Variants in NPDC1 observed in about 807,000 individuals in gnomAD.
NPDC1 encodes the protein neural proliferation differentiation and control protein 1.
Under a neutral mutation model 32.5 loss-of-function variants are expected in NPDC1, and 18 were observed. That is an observed-to-expected ratio of 0.55 (90% CI 0.38 to 0.82). The LOEUF (loss-of-function observed/expected upper bound fraction) is 0.82. NPDC1 is among the 40% of genes least tolerant of loss of function. The pLI is 0.00. For missense variants in NPDC1, 468 were observed against 406.6 expected (o/e 1.15, Z -1.30); for synonymous variants, 210 against 184.7 (o/e 1.14, Z -1.11).
Position 137,043,017 on chromosome 9 carries a change from G to T in NPDC1, c.169C>A (p.Pro57Thr). ...DCALKRRARC[P>T]PGAHACGPCL... ...GGCCCACAGGCATGTGCACCAGGAG[G>T]ACACCTTGCCCGCCTCTTCAGGGCA... Residue 57 changes from proline (P) to threonine (T), a missense_variant, in exon 2 of 9, where the codon CCT becomes ACT. Physicochemically the swap from Pro to Thr is conservative, Grantham distance 38 (BLOSUM62 -1). Transcript: ENST00000371601. 1 of 1,612,722 alleles carries T rather than the reference G, an allele frequency of 6.2e-7. No individual in the cohort carries two copies. The highest frequency in any genetic ancestry group is 8.5e-7 in the Non-Finnish European group (1 of 1,179,914).
chr9:137,044,270 C>T (rs1394134171), intron 1 of NPDC1, among the ~76,000 whole-genome samples: 1 of 152,248 alleles, frequency 6.6e-6, no homozygotes, highest in East Asian at 1.9e-4. Flanking sequence ...GCACCGCACA[C>T]CCTCCACAAC....
chr9:137,041,249 C>T, intron 2 of NPDC1, 62 bp from the exon 3 acceptor site: 3 of 1,342,610 alleles, frequency 2.2e-6, no homozygotes, highest in Non-Finnish European at 2.9e-6. Context: ...CCAGGCCCGG[C>T]CTCCCCGCTT....
rs563968415 is a variant in NPDC1, at chr9:137,040,220, C to T, written c.788+137G>A. 1.3e-4 allele frequency: 104 copies of T among 826,626 alleles called. No homozygotes were observed. The East Asian group carries it at 1.5e-3, about 12-fold the overall frequency. The allele number at this position is 826,626 out of a possible 1,614,324, so 51.2% of individuals were successfully genotyped here. The stretch of plus-strand genomic sequence containing the variant: ...CAGGGGAGGTGAGGGTGCAGGGCGG[C>T]GGGGGAGGTGAAGGTTAGCGTGCAG... On this transcript the variant is annotated intron_variant, in intron 7 of 8. Transcript: ENST00000371601.
Position 137,046,110 on chromosome 9 carries a change from G to A in NPDC1, c.-121C>T. ...GAGGACGCAGGAGGAAGAAGAGGCGGATGCCAAGGAGGAGGAGGAGGAAGA... is the reference window on the plus strand; with the variant it reads ...GAGGACGCAGGAGGAAGAAGAGGCGAATGCCAAGGAGGAGGAGGAGGAAGA... On this transcript the variant is annotated 5_prime_UTR_variant, in exon 1 of 9. Transcript: ENST00000371601. 1 of 1,089,692 alleles carries A rather than the reference G, an allele frequency of 9.2e-7. No homozygotes were observed. Among genetic ancestry groups the A allele is most frequent in the Non-Finnish European group, 1.1e-6 (1 of 896,198 alleles). 67.5% of individuals were successfully genotyped at this position (1,089,692 alleles called of 1,614,324 possible). A position where few individuals can be genotyped will look rare whatever the true frequency, so the allele number is the denominator to read the frequency against.
chr9:137,041,089 T>G lies in NPDC1; in HGVS notation c.358A>C (p.Lys120Gln). 1 of 1,529,316 alleles carries G rather than the reference T, an allele frequency of 6.5e-7. No homozygotes were observed. The highest frequency in any genetic ancestry group is 8.8e-7 in the Non-Finnish European group (1 of 1,140,848). 94.7% of individuals were successfully genotyped at this position (1,529,316 alleles called of 1,614,324 possible). A position where few individuals can be genotyped will look rare whatever the true frequency, so the allele number is the denominator to read the frequency against. Residue 120 changes from lysine to glutamine, a missense_variant, in exon 3 of 9, where the codon AAG (lysine) becomes CAG (glutamine). Coordinates refer to ENST00000371601, the MANE Select transcript of NPDC1 (RefSeq NM_015392.4). ...GGCTCCGGGAGCCGCTGTCGGTCCTTGGGTAGGGGCGGAGTTGAGTGTCCA... is the reference window on the plus strand; with the variant it reads ...GGCTCCGGGAGCCGCTGTCGGTCCTGGGGTAGGGGCGGAGTTGAGTGTCCA... ...ESGHSTPPLP[K>Q]DRQRLPEPAT...
intron 2 of NPDC1, among the ~76,000 whole-genome samples, chr9:137,042,355 G>A (rs1385262800): frequency 1.3e-5 from 2 of 151,472 alleles, no homozygotes; most frequent in African/African-American, 2.4e-5. Flanking sequence ...CCGGGTTCAC[G>A]CCATTCTCCT....
Position 137,039,716 on chromosome 9 carries a change from C to T in NPDC1, c.*56G>A. 1 of 701,154 alleles carries T rather than the reference C, an allele frequency of 1.4e-6. No homozygotes were observed. The highest frequency in any genetic ancestry group is 2.6e-6 in the Non-Finnish European group (1 of 382,832). 43.4% of individuals were successfully genotyped at this position (701,154 alleles called of 1,614,324 possible). A position where few individuals can be genotyped will look rare whatever the true frequency, so the allele number is the denominator to read the frequency against. ...TTTTAGTGGGAAGCTCCAGGCCCTG[C>T]CCCTCCCCGGGGGCCTCGAGGTCGG... On this transcript the variant is annotated 3_prime_UTR_variant, in exon 9 of 9. Coordinates refer to ENST00000371601, the MANE Select transcript of NPDC1 (RefSeq NM_015392.4).
chr9:137,046,016 T>G lies in NPDC1; in HGVS notation c.-27A>C, dbSNP rs565267307. On this transcript the variant is annotated 5_prime_UTR_variant, in exon 1 of 9. It removes an upstream start codon present in the reference 5' UTR. Transcript: ENST00000371601. ...CTTCAGCGCCGCCGCCGGGGCAGCA[T>G]GGCACCGCGAGGCCAGGGGCTCGGC... The G allele has an allele frequency of 8.4e-7, 1 of 1,185,090 alleles. No individual in the cohort carries two copies. The highest frequency in any genetic ancestry group is 1.0e-6 in the Non-Finnish European group (1 of 957,908). 73.4% of individuals were successfully genotyped at this position (1,185,090 alleles called of 1,614,324 possible).
At chr9:137,041,329 A>G in intron 2 of NPDC1, 142 bp from the exon 3 acceptor site, 12 of 976,000 alleles carry the variant, frequency 1.2e-5, no homozygotes, top group Non-Finnish European at 1.6e-5. Context: ...CCAGATTGCC[A>G]TGGTGACAGC....
rs1220943640 is a variant in NPDC1, at chr9:137,039,804, G to T, written c.946C>A (p.Pro316Thr). The change falls in exon 9 of 9, where the codon CCG becomes ACG. Residue 316 changes from proline (P) to threonine (T), a missense_variant. Physicochemically the swap from Pro to Thr is conservative, Grantham distance 38. Coordinates refer to ENST00000371601, the MANE Select transcript of NPDC1 (RefSeq NM_015392.4). ...FDHAALSAPL[P>T]APSSPPALP Reference sequence around the variant, plus strand: ...AGTGCAGGCGGTGAGCTGGGGGCCGGCAGGGGCGCGGACAGTGCGGCGTGG... The same window carrying T: ...AGTGCAGGCGGTGAGCTGGGGGCCGTCAGGGGCGCGGACAGTGCGGCGTGG... 3.9e-6 allele frequency: 3 copies of T among 776,476 alleles called. No individual in the cohort carries two copies. Among genetic ancestry groups the T allele is most frequent in the Non-Finnish European group, 4.8e-6 (2 of 416,334 alleles). 48.1% of individuals were successfully genotyped at this position (776,476 alleles called of 1,614,324 possible).
intron 1 of NPDC1, among the ~76,000 whole-genome samples, chr9:137,045,618 AG>A (rs1293920027): frequency 1.3e-5 from 2 of 152,234 alleles, no homozygotes; most frequent in Non-Finnish European, 2.9e-5. Flanking sequence ...CGGCGGAAGA[AG>A]CCATGAATGT....
Position 137,040,410 on chromosome 9 carries a change from G to C in NPDC1, c.735C>G (p.Ser245Arg). The change falls in exon 7 of 9, where the codon AGC (serine) becomes AGG (arginine). Residue 245 changes from serine to arginine, a missense_variant. Coordinates refer to ENST00000371601, the MANE Select transcript of NPDC1 (RefSeq NM_015392.4). ...GGTGCTGGTAGTGGTACATCTCCGCGCTCTGTGCCAGCCGCTGGTCCCCAG... is the reference window on the plus strand; with the variant it reads ...GGTGCTGGTAGTGGTACATCTCCGCCCTCTGTGCCAGCCGCTGGTCCCCAG... ...ISPGDQRLAQ[S>R]AEMYHYQHQR... 6.5e-7 allele frequency: 1 copy of C among 1,549,870 alleles called. No individual in the cohort carries two copies. Among genetic ancestry groups the C allele is most frequent in the Non-Finnish European group, 8.7e-7 (1 of 1,147,748 alleles).
At chr9:137,045,527 G>A (rs1358402248) in intron 1 of NPDC1, among the ~76,000 whole-genome samples, 1 of 152,220 alleles carries the variant, frequency 6.6e-6, no homozygotes, top group African/African-American at 2.4e-5. Context: ...CGGAGACACA[G>A]AGACGCACAC....
intron 1 of NPDC1, 193 bp from the exon 2 acceptor site, chr9:137,043,266 T>C (rs1356497438): frequency 4.1e-6 from 3 of 735,346 alleles, no homozygotes; most frequent in Non-Finnish European, 7.5e-6. Flanking sequence ...GTCCTAGGAC[T>C]TATCAGAACT....
intron 1 of NPDC1, among the ~76,000 whole-genome samples, chr9:137,044,665 T>A (rs116721529): frequency 6.6e-6 from 1 of 152,056 alleles, no homozygotes; most frequent in African/African-American, 2.4e-5. Flanking sequence ...ATGGGAGGAG[T>A]TGCCTAGGGA....
Position 137,039,759 on chromosome 9 carries a change from G to C in NPDC1, c.*13C>G, listed in dbSNP as rs142599801. ...GAGGTCGGGGAGCAGGTGGGCGTCT[G>C]TCTGCCTCCAGGTCATGGCAGTGCA... On this transcript the variant is annotated 3_prime_UTR_variant, in exon 9 of 9. Transcript: ENST00000371601. The C allele has an allele frequency of 2.0e-3, 1,507 of 751,502 alleles. 25 individuals are homozygous for C. In the East Asian group the frequency reaches 0.03, roughly 15 times the overall value. The allele number at this position is 751,502 out of a possible 1,614,324, so 46.6% of individuals were successfully genotyped here.
In NPDC1 at chr9:137,039,543, C is replaced by T. The variant is rs1832012462; in HGVS notation, c.*229G>A. The T allele has an allele frequency of 1.9e-6, 1 of 530,480 alleles. No individual in the cohort carries two copies. The highest frequency in any genetic ancestry group is 3.3e-6 in the Non-Finnish European group (1 of 302,076). 32.9% of individuals were successfully genotyped at this position (530,480 alleles called of 1,614,324 possible). The stretch of plus-strand genomic sequence containing the variant: ...TCCTGCGCTCTACGGTTCTCCATGC[C>T]CCCTCCAGTTTGGGGGTCTAAACCG... On this transcript the variant is annotated 3_prime_UTR_variant, in exon 9 of 9. Transcript: ENST00000371601.
chr9:137,045,605 T>C (rs1057264866), intron 1 of NPDC1, among the ~76,000 whole-genome samples: 40 of 152,094 alleles, frequency 2.6e-4, no homozygotes, highest in Non-Finnish European at 5.0e-4. Flanking sequence ...CCAGACGCGC[T>C]CCCGGCGGAA....
rs762211758 is a variant in NPDC1, at chr9:137,040,830, G to A, written c.540C>T (p.Gly180=). The change falls in exon 4 of 9, where the codon GGC becomes GGT. Residue 180 remains glycine, a synonymous_variant. Coordinates refer to ENST00000371601, the MANE Select transcript of NPDC1 (RefSeq NM_015392.4). The stretch of plus-strand genomic sequence containing the variant: ...AAGACCTACCAAGGGCGAGGCCGTC[G>A]CCTTGCCCTCCCCGGGGCTCCAGGG... ...MSPLEPRGGQ[G]DGLALVLILA... 6 of 1,595,208 alleles carry A rather than the reference G, an allele frequency of 3.8e-6. No homozygotes were observed. Among genetic ancestry groups the A allele is most frequent in the East Asian group, 4.5e-5 (2 of 44,426 alleles).
Sources: gnomAD v4.1 joint callset for allele counts (sites outside exome capture counted in the v4.1 genomes callset) on GRCh38, gnomAD v4.1.1 for gene constraint, MANE v1.5 for transcripts, NCBI Gene and HGNC (gene_info 2026-07-23, HGNC 2026-07-21) for gene names.